MARK2: variants seen among roughly 807,000 people sequenced by gnomAD.
MARK2 encodes the protein serine/threonine-protein kinase MARK2.
Under a neutral mutation model 89.8 loss-of-function variants are expected in MARK2, and 16 were observed. The observed-to-expected ratio is 0.18, with a 90% CI of 0.12 to 0.27. The LOEUF is 0.27. Among genes scored for constraint, MARK2 ranks in the 10% least tolerant of loss-of-function variants. The pLI is 1.00. For missense variants in MARK2, 621 were observed against 1,049.9 expected, an observed-to-expected ratio of 0.59 and a Z score of 5.65; for synonymous variants, 382 against 399.5, an observed-to-expected ratio of 0.96 and a Z score of 0.52.
chr11:63,861,740 CTTTTTTTTT>C (rs531935148), intron 1 of MARK2, among the ~76,000 whole-genome samples: 1 of 127,090 alleles, frequency 7.9e-6, no homozygotes, highest in African/African-American at 2.9e-5. Flanking sequence ...CTCATTTACT[CTTTTTTTTT>C]TTTTTTTTTG....
intron 3 of MARK2, among the ~76,000 whole-genome samples, chr11:63,896,243 T>G (rs1424019608): frequency 1.3e-5 from 2 of 152,214 alleles, no homozygotes; most frequent in Non-Finnish European, 1.5e-5. Context: ...TTCCTGCATC[T>G]TGTTATCTTC....
intron 1 of MARK2, among the ~76,000 whole-genome samples, chr11:63,879,326 A>G (rs928089485): frequency 2.0e-5 from 3 of 152,168 alleles, no homozygotes; most frequent in Non-Finnish European, 4.4e-5. Context: ...ACATTTAAAA[A>G]ATCACATTTT....
chr11:63,866,060 T>C (rs1329187511), intron 1 of MARK2, among the ~76,000 whole-genome samples: 4 of 152,132 alleles, frequency 2.6e-5, no homozygotes, highest in Non-Finnish European at 4.4e-5. Flanking sequence ...TTCTCTCTTG[T>C]AATGGTTGGA....
intron 1 of MARK2, among the ~76,000 whole-genome samples, chr11:63,882,932 C>G (rs990065342): frequency 6.6e-6 from 1 of 152,320 alleles, no homozygotes; most frequent in South Asian, 2.1e-4. Context: ...TAAAGTGAGC[C>G]AGACCTCTAT....
At chr11:63,887,911 A>C (rs1248839483) in intron 1 of MARK2, among the ~76,000 whole-genome samples, 3 of 152,172 alleles carry the variant, frequency 2.0e-5, no homozygotes, top group Admixed American at 6.5e-5. Context: ...GGTGAGTGAG[A>C]ACCTAGGGAT....
intron 2 of MARK2, 67 bp from the exon 3 acceptor site, chr11:63,895,513 A>ATCTATATATAT: frequency 6.8e-7 from 1 of 1,480,556 alleles, no homozygotes; most frequent in South Asian, 1.1e-5. Flanking sequence ...TAAAGGAGGA[A>ATCTATATATAT]GTAGATTGGA....
intron 11 of MARK2, among the ~76,000 whole-genome samples, chr11:63,901,473 C>CTTTTTTTTTTT (rs35231498): frequency 8.7e-5 from 5 of 57,694 alleles, no homozygotes; most frequent in East Asian, 6.7e-4. Flanking sequence ...GAGTCTGTTG[C>CTTTTTTTTTTT]TTTTTTTTTT....
chr11:63,884,637 A>G (rs941943158), intron 1 of MARK2, among the ~76,000 whole-genome samples: 2 of 152,204 alleles, frequency 1.3e-5, no homozygotes, highest in Non-Finnish European at 2.9e-5. Context: ...TGGGACAGTA[A>G]AGGAATATGG....
chr11:63,850,817 C>T (rs1250796103), intron 1 of MARK2, among the ~76,000 whole-genome samples: 2 of 151,878 alleles, frequency 1.3e-5, no homozygotes, highest in African/African-American at 4.8e-5. Context: ...TTTTTCTTTT[C>T]TCGTCTTTTC....
At chr11:63,882,740 C>T (rs890898969) in intron 1 of MARK2, 11 of 152,242 alleles carry the variant, frequency 7.2e-5, no homozygotes, top group African/African-American at 2.2e-4. Context: ...ACACCCTTCA[C>T]TACTATACCA....
intron 1 of MARK2, among the ~76,000 whole-genome samples, chr11:63,873,054 T>A (rs915558918): frequency 6.6e-6 from 1 of 151,966 alleles, no homozygotes; most frequent in African/African-American, 2.4e-5. Flanking sequence ...GGGCTGGCAC[T>A]CTGTGGCAGG....
chr11:63,908,774 C>T (rs1301690884), intron 18 of MARK2, 103 bp from the exon 19 acceptor site: 4 of 1,240,852 alleles, frequency 3.2e-6, no homozygotes, highest in Non-Finnish European at 3.2e-6. Flanking sequence ...CTCCTGCTCC[C>T]TCCCGCTCTC....
At chr11:63,843,624 T>A (rs577603362) in intron 1 of MARK2, among the ~76,000 whole-genome samples, 68 of 151,884 alleles carry the variant, frequency 4.5e-4, no homozygotes, top group East Asian at 5.8e-4. Flanking sequence ...TATATATATA[T>A]AAAACTCTTT....
At chr11:63,887,328 G>A (rs1156319279) in intron 1 of MARK2, among the ~76,000 whole-genome samples, 1 of 152,240 alleles carries the variant, frequency 6.6e-6, no homozygotes, top group African/African-American at 2.4e-5. Flanking sequence ...GAAGCTGTGA[G>A]ATTTTGGGCA....
At chr11:63,893,176 G>C (rs945339157) in intron 1 of MARK2, among the ~76,000 whole-genome samples, 1 of 150,144 alleles carries the variant, frequency 6.7e-6, no homozygotes, top group Non-Finnish European at 1.5e-5. Context: ...AACCTCCCAA[G>C]ATTTCTTAAT....
chr11:63,873,993 G>A (rs2135270909), intron 1 of MARK2, among the ~76,000 whole-genome samples: 1 of 152,348 alleles, frequency 6.6e-6, no homozygotes, highest in East Asian at 1.9e-4. Context: ...TTGCAGAGGA[G>A]CACTGGAAAG....
chr11:63,885,104 G>T (rs1287376244), intron 1 of MARK2, among the ~76,000 whole-genome samples: 1 of 152,166 alleles, frequency 6.6e-6, no homozygotes, highest in East Asian at 1.9e-4. Context: ...TCAAGAGGAA[G>T]ATCACTTGAG....
intron 1 of MARK2, among the ~76,000 whole-genome samples, chr11:63,861,322 G>C (rs1937764234): frequency 6.6e-6 from 1 of 152,124 alleles, no homozygotes; most frequent in Non-Finnish European, 1.5e-5. Context: ...TGTAATCCCA[G>C]CTACTCTGGA....
intron 1 of MARK2, among the ~76,000 whole-genome samples, chr11:63,848,468 C>T (rs543401809): frequency 6.6e-6 from 1 of 152,216 alleles, no homozygotes; most frequent in Admixed American, 6.5e-5. Flanking sequence ...TCACTGCAAC[C>T]TCCGCTTCCC....
Sources: gnomAD v4.1 joint callset for allele counts (sites outside exome capture counted in the v4.1 genomes callset) on GRCh38, gnomAD v4.1.1 for gene constraint, MANE v1.5 for transcripts, NCBI Gene and HGNC (gene_info 2026-07-23, HGNC 2026-07-21) for gene names.